CTNNA2: variants seen among roughly 807,000 people sequenced by gnomAD.
CTNNA2 encodes the protein catenin alpha 2.
Under a neutral mutation model 101.0 loss-of-function variants are expected in CTNNA2, and 42 were observed. The ratio of observed to expected loss-of-function variants is 0.42; its 90% CI spans 0.32 to 0.54. CTNNA2 has a LOEUF of 0.54. CTNNA2 is among the 20% of genes least tolerant of loss of function. The pLI is 0.14. For synonymous variants in CTNNA2, 450 were observed against 456.4 expected, an observed-to-expected ratio of 0.99 and a Z score of 0.18; for missense variants, 871 against 1,223.1, an observed-to-expected ratio of 0.71 and a Z score of 4.29.
At position 79,247,374 on chromosome 2, in the gene CTNNA2, G is replaced by T. The variant is rs77408984; in HGVS notation, c.-406+49298G>T. On this transcript the variant is annotated intron_variant, in intron 2 of 21. Transcript: ENST00000466387. ...CATGAGAAAATATTTTGAAGAGCTT[G>T]AAAGTACCACATTTAAGTTGCTGTC... 3.2e-3 allele frequency among the ~76,000 whole-genome samples: 490 copies of T among 152,332 alleles called. 2 individuals are homozygous for T. Among genetic ancestry groups the T allele is most frequent in the African/African-American group, 0.011 (477 of 41,576 alleles).
At chr2:79,587,298 G>T (rs1387049660) in intron 1 of CTNNA2, among the ~76,000 whole-genome samples, 2 of 152,184 alleles carry the variant, frequency 1.3e-5, no homozygotes, top group South Asian at 2.1e-4. Context: ...AGGAAAGCCT[G>T]AAAGAAACCG....
At chr2:80,431,075 A>G (rs907246856) in intron 9 of CTNNA2, among the ~76,000 whole-genome samples, 41 of 152,294 alleles carry the variant, frequency 2.7e-4, no homozygotes, top group African/African-American at 9.9e-4. Flanking sequence ...TAGAAGTTCA[A>G]TTTCTTCTAA....
intron 7 of CTNNA2, among the ~76,000 whole-genome samples, chr2:80,084,379 C>A (rs1287051091): frequency 1.3e-5 from 2 of 152,080 alleles, no homozygotes; most frequent in Non-Finnish European, 2.9e-5. Flanking sequence ...ACAGGCACTG[C>A]ATTCTTTTGT....
chr2:79,365,067 G>T (rs1677713936), intron 3 of CTNNA2, among the ~76,000 whole-genome samples: 1 of 152,014 alleles, frequency 6.6e-6, no homozygotes, highest in Non-Finnish European at 1.5e-5. Context: ...CTGAGGTCAG[G>T]AGTTTGAGAC....
chr2:79,752,593 T>A (rs1193161767), intron 3 of CTNNA2, among the ~76,000 whole-genome samples: 2 of 152,198 alleles, frequency 1.3e-5, no homozygotes, highest in Non-Finnish European at 2.9e-5. Context: ...CAATACATAT[T>A]GAAGGTATTT....
intron 2 of CTNNA2, among the ~76,000 whole-genome samples, chr2:79,707,974 C>G (rs1392540054): frequency 6.6e-6 from 1 of 152,202 alleles, no homozygotes; most frequent in Non-Finnish European, 1.5e-5. Context: ...AATTAATATT[C>G]AACAAGGATT....
intron 4 of CTNNA2, among the ~76,000 whole-genome samples, chr2:79,409,875 T>A (rs1678388078): frequency 1.3e-5 from 2 of 151,950 alleles, no homozygotes; most frequent in African/African-American, 4.8e-5. Context: ...GCATTGAATC[T>A]ATATATTACC....
chr2:80,176,342 A>G (rs1273264628), intron 7 of CTNNA2, among the ~76,000 whole-genome samples: 4 of 152,254 alleles, frequency 2.6e-5, no homozygotes, highest in South Asian at 4.1e-4. Context: ...CTTATGTCAC[A>G]TGACAAAGGA....
chr2:79,800,628 A>C (rs1676082453), intron 3 of CTNNA2, among the ~76,000 whole-genome samples: 2 of 152,222 alleles, frequency 1.3e-5, no homozygotes, highest in South Asian at 4.1e-4. Context: ...GAAGGGGACA[A>C]CAGCCAAGGA....
chr2:79,858,251 G>T (rs1681299368), intron 4 of CTNNA2, 72 bp downstream of exon 4: 1 of 1,246,730 alleles, frequency 8.0e-7, no homozygotes, highest in Non-Finnish European at 1.1e-6. Context: ...TACAGCTCTG[G>T]CCTCTACTCT....
intron 4 of CTNNA2, among the ~76,000 whole-genome samples, chr2:79,434,841 G>A (rs1342107005): frequency 6.6e-6 from 1 of 152,182 alleles, no homozygotes; most frequent in African/African-American, 2.4e-5. Flanking sequence ...GGCAAGGAGA[G>A]CTGTCTGAAT....
intron 8 of CTNNA2, among the ~76,000 whole-genome samples, chr2:80,397,113 AC>A (rs1301638624): frequency 6.6e-6 from 1 of 152,342 alleles, no homozygotes; most frequent in East Asian, 1.9e-4. Context: ...TTAATAAAAA[AC>A]AATTACAACT....
At chr2:79,302,967 C>A (rs1676147712) in intron 2 of CTNNA2, among the ~76,000 whole-genome samples, 1 of 152,170 alleles carries the variant, frequency 6.6e-6, no homozygotes, top group African/African-American at 2.4e-5. Context: ...AGTTAACCAA[C>A]TTGACCACAA....
At chr2:79,908,598 C>T (rs972155302) in intron 6 of CTNNA2, among the ~76,000 whole-genome samples, 4 of 152,210 alleles carry the variant, frequency 2.6e-5, no homozygotes, top group Non-Finnish European at 5.9e-5. Flanking sequence ...TTAATGATCA[C>T]ATACCATCAC....
chr2:79,977,426 C>G (rs553404341), intron 7 of CTNNA2, among the ~76,000 whole-genome samples: 1 of 152,082 alleles, frequency 6.6e-6, no homozygotes, highest in Non-Finnish European at 1.5e-5. Context: ...GCTAAACACC[C>G]TGTAGTGTAC....
chr2:79,818,895 GCACACA>G (rs56218833), intron 3 of CTNNA2, among the ~76,000 whole-genome samples: 14,984 of 124,728 alleles, frequency 0.12, 1,308 homozygotes, highest in East Asian at 0.37. Flanking sequence ...AGCACTAATA[GCACACA>G]CACACACACA....
At chr2:79,697,444 G>C (rs1328463337) in intron 2 of CTNNA2, among the ~76,000 whole-genome samples, 3 of 152,026 alleles carry the variant, frequency 2.0e-5, no homozygotes, top group African/African-American at 7.2e-5. Context: ...GCTCCTTATA[G>C]TTTCCTGGAT....
intron 7 of CTNNA2, among the ~76,000 whole-genome samples, chr2:80,045,530 A>G (rs1175944935): frequency 6.6e-6 from 1 of 152,224 alleles, no homozygotes; most frequent in East Asian, 1.9e-4. Flanking sequence ...CACTAAATAA[A>G]TAATTACAGT....
At chr2:80,199,182 GAAAAAAAAAAAAAAAAAA>G (rs70940076) in intron 7 of CTNNA2, among the ~76,000 whole-genome samples, 1 of 40,050 alleles carries the variant, frequency 2.5e-5, no homozygotes, top group African/African-American at 8.5e-5. Context: ...CTCCATCTCA[GAAAAAAAAAAAAAAAAAA>G]AAAAAAAAAA....
Sources: gnomAD v4.1 joint callset for allele counts (sites outside exome capture counted in the v4.1 genomes callset) on GRCh38, gnomAD v4.1.1 for gene constraint, MANE v1.5 for transcripts, NCBI Gene and HGNC (gene_info 2026-07-23, HGNC 2026-07-21) for gene names.